Variants in HS3ST4 observed in about 807,000 individuals in gnomAD.
HS3ST4 encodes heparan sulfate glucosamine 3-O-sulfotransferase 4.
Under a neutral mutation model 29.2 loss-of-function variants are expected in HS3ST4, and 17 were observed. That is an observed-to-expected ratio of 0.58 (90% CI 0.40 to 0.87). The LOEUF is 0.87. Among genes scored for constraint, HS3ST4 ranks in the 40% least tolerant of loss-of-function variants. The pLI is 0.00. For missense variants in HS3ST4, 627 were observed against 634.5 expected (o/e 0.99, Z 0.13); for synonymous variants, 314 against 285.7 (o/e 1.10, Z -1.00).
intron 1 of HS3ST4, among the ~76,000 whole-genome samples, chr16:26,008,402 C>A (rs1043634092): frequency 2.6e-5 from 4 of 152,152 alleles, no homozygotes; most frequent in Non-Finnish European, 4.4e-5. Context: ...TGTTTTTTCA[C>A]CCTGACACAG....
At chr16:25,758,950 T>A (rs1238335545) in intron 1 of HS3ST4, among the ~76,000 whole-genome samples, 4 of 147,136 alleles carry the variant, frequency 2.7e-5, no homozygotes, top group Non-Finnish European at 5.9e-5. Flanking sequence ...AGTGAGACTC[T>A]GTCTCAAAAA....
intron 1 of HS3ST4, among the ~76,000 whole-genome samples, chr16:25,700,343 A>G (rs1966326609): frequency 1.3e-5 from 2 of 152,176 alleles, no homozygotes; most frequent in African/African-American, 4.8e-5. Context: ...GGGTAAGTTC[A>G]GAGACATTTA....
rs555721911 is a variant in HS3ST4, at chr16:25,947,602, C to A, written c.735-188010C>A. ...AAGCAGCCAAGCCAAACCACAAACG[C>A]CCATTTATAGTCTCTGCTCATGTCA... On this transcript the variant is annotated intron_variant, in intron 1 of 1. Transcript: ENST00000331351. Among the ~76,000 whole-genome samples, 10 of 152,202 alleles carry A rather than the reference C, an allele frequency of 6.6e-5. No individual in the cohort carries two copies. In the East Asian group the frequency reaches 1.9e-3, roughly 29 times the overall value.
chr16:26,021,706 C>G (rs889344271), intron 1 of HS3ST4, among the ~76,000 whole-genome samples: 2 of 152,086 alleles, frequency 1.3e-5, no homozygotes, highest in Admixed American at 6.6e-5. Flanking sequence ...GTTCCGTCAC[C>G]AGGCTGGAGT....
intron 1 of HS3ST4, among the ~76,000 whole-genome samples, chr16:25,879,165 G>A (rs111264913): frequency 0.11 from 16,113 of 152,086 alleles, 2,040 homozygotes; most frequent in African/African-American, 0.31. Flanking sequence ...TCTGATATAC[G>A]TTTGGATGAG....
At chr16:25,762,372 G>C (rs371988937) in intron 1 of HS3ST4, among the ~76,000 whole-genome samples, 1 of 152,134 alleles carries the variant, frequency 6.6e-6, no homozygotes, top group Non-Finnish European at 1.5e-5. Context: ...GCTGGAGAAG[G>C]GGTGTGGGTG....
At chr16:25,811,244 A>G (rs1353712403) in intron 1 of HS3ST4, among the ~76,000 whole-genome samples, 1 of 151,044 alleles carries the variant, frequency 6.6e-6, no homozygotes, top group East Asian at 1.9e-4. Flanking sequence ...CACCTCTTCC[A>G]CCTCTGTCAA....
In HS3ST4 at chr16:26,135,960, T is replaced by C. The variant is rs751975014; in HGVS notation, c.1083T>C (p.Ile361=). ...TCTTTGTCAGTGGTGAGCGACTCAT[T>C]GTGGACCCCGCCGGGGAAATGGCCA... The part of the protein sequence containing the change: ...QILFVSGERL[I]VDPAGEMAKV... The change falls in exon 2 of 2, where the codon ATT becomes ATC. Residue 361 remains isoleucine (I), a synonymous_variant. Coordinates refer to ENST00000331351, the MANE Select transcript of HS3ST4 (RefSeq NM_006040.3). The C allele has an allele frequency of 2.5e-6, 4 of 1,613,882 alleles. No homozygotes were observed. The African/African-American group carries it at 5.3e-5, about 22-fold the overall frequency.
chr16:25,782,395 T>C (rs1051755633), intron 1 of HS3ST4, among the ~76,000 whole-genome samples: 1 of 152,242 alleles, frequency 6.6e-6, no homozygotes, highest in African/African-American at 2.4e-5. Flanking sequence ...TCCTGTGGAC[T>C]GTCTCCTTCC....
At chr16:25,802,923 ATATATG>A (rs747969113) in intron 1 of HS3ST4, among the ~76,000 whole-genome samples, 19 of 28,716 alleles carry the variant, frequency 6.6e-4, no homozygotes, top group Admixed American at 1.3e-3. Flanking sequence ...CTTTTAAGTT[ATATATG>A]TGTGTGTGTG....
intron 1 of HS3ST4, among the ~76,000 whole-genome samples, chr16:25,833,407 T>C (rs1366632903): frequency 6.6e-6 from 1 of 152,182 alleles, no homozygotes; most frequent in South Asian, 2.1e-4. Context: ...ATTGAACGGC[T>C]CTAAACCTTT....
chr16:26,066,904 G>C (rs958712937), intron 1 of HS3ST4, among the ~76,000 whole-genome samples: 1 of 152,168 alleles, frequency 6.6e-6, no homozygotes, highest in South Asian at 2.1e-4. Context: ...ATTCCTGTGG[G>C]GTTGTGTAGG....
chr16:25,883,034 C>T lies in HS3ST4; in HGVS notation c.734+189883C>T, dbSNP rs139337504. 6.6e-4 allele frequency among the ~76,000 whole-genome samples: 101 copies of T among 152,218 alleles called. No individual in the cohort carries two copies. In the South Asian group the frequency reaches 0.015, roughly 22 times the overall value. ...AAAAGAAGCTCCCCTTTACCCTCCT[C>T]TCTGTATTTTTATTATTATCTCATA... On this transcript the variant is annotated intron_variant, in intron 1 of 1. Coordinates refer to ENST00000331351, the MANE Select transcript of HS3ST4 (RefSeq NM_006040.3).
At chr16:25,829,848 G>A (rs1434256035) in intron 1 of HS3ST4, among the ~76,000 whole-genome samples, 1 of 151,918 alleles carries the variant, frequency 6.6e-6, no homozygotes, top group African/African-American at 2.4e-5. Context: ...TTTTGAGTTG[G>A]AGTCTTGCTC....
chr16:25,755,061 C>A (rs1966748421), intron 1 of HS3ST4, among the ~76,000 whole-genome samples: 1 of 152,068 alleles, frequency 6.6e-6, no homozygotes, highest in African/African-American at 2.4e-5. Context: ...TCCATCCACT[C>A]AGCCTACTAT....
At chr16:26,116,438 A>C (rs1370725940) in intron 1 of HS3ST4, among the ~76,000 whole-genome samples, 2 of 152,230 alleles carry the variant, frequency 1.3e-5, no homozygotes, top group East Asian at 3.8e-4. Flanking sequence ...ACATAGTACC[A>C]GGAGGTGGGG....
intron 1 of HS3ST4, among the ~76,000 whole-genome samples, chr16:26,109,891 CT>C (rs928467983): frequency 6.6e-5 from 10 of 151,896 alleles, no homozygotes; most frequent in Non-Finnish European, 1.0e-4. Flanking sequence ...ACATCACACA[CT>C]TTTTTTTGTG....
chr16:25,743,915 A>C (rs761602586), intron 1 of HS3ST4, among the ~76,000 whole-genome samples: 1 of 152,188 alleles, frequency 6.6e-6, no homozygotes, highest in East Asian at 1.9e-4. Context: ...CTGACTCTTC[A>C]TACATTTCCC....
chr16:25,945,721 A>T (rs1968619042), intron 1 of HS3ST4, among the ~76,000 whole-genome samples: 2 of 152,136 alleles, frequency 1.3e-5, no homozygotes, highest in Non-Finnish European at 2.9e-5. Context: ...GAGATCATAT[A>T]CCCTGGCACT....
Sources: gnomAD v4.1 joint callset for allele counts (sites outside exome capture counted in the v4.1 genomes callset) on GRCh38, gnomAD v4.1.1 for gene constraint, MANE v1.5 for transcripts, NCBI Gene and HGNC (gene_info 2026-07-23, HGNC 2026-07-21) for gene names.